The following BCAR3 variants were observed in gnomAD, a reference collection of about 807,000 sequenced individuals.
BCAR3 encodes the protein BCAR3 adaptor protein, NSP family member.
A neutral mutation model predicts 80.1 loss-of-function variants in BCAR3; 37 were observed. The ratio of observed to expected loss-of-function variants is 0.46; its 90% confidence interval spans 0.36 to 0.61. BCAR3 has a LOEUF of 0.61. Ranked by LOEUF, BCAR3 falls within the 20% of genes least tolerant of loss-of-function variation. The probability of loss-of-function intolerance (pLI) is 0.00; values close to 1 mark genes in which losing one functional copy is unlikely to be tolerated. For missense variants in BCAR3, 978 were observed against 1,068.2 expected, an observed-to-expected ratio of 0.92 and a Z score of 1.18; for synonymous variants, 389 against 418.9, an observed-to-expected ratio of 0.93 and a Z score of 0.87.
chr1:93,622,178 C>G (rs571460388), intron 3 of BCAR3, among the ~76,000 whole-genome samples: 2 of 152,184 alleles, frequency 1.3e-5, no homozygotes, highest in East Asian at 3.9e-4. Flanking sequence ...GGATTACAGG[C>G]GTGAGCCACC....
chr1:93,785,337 CAG>C (rs1412600702), intron 2 of BCAR3, among the ~76,000 whole-genome samples: 1 of 152,100 alleles, frequency 6.6e-6, no homozygotes, highest in African/African-American at 2.4e-5. Flanking sequence ...TAAGTGGTAA[CAG>C]GGAGTGGTGG....
At chr1:93,769,518 C>A (rs186426080) in intron 2 of BCAR3, among the ~76,000 whole-genome samples, 1 of 151,390 alleles carries the variant, frequency 6.6e-6, no homozygotes, top group African/African-American at 2.4e-5. Context: ...GAACAATAGG[C>A]AAAGGACTCA....
At chr1:93,790,651 A>ATGTTT (rs10627954) in intron 2 of BCAR3, among the ~76,000 whole-genome samples, 1 of 83,546 alleles carries the variant, frequency 1.2e-5, no homozygotes, top group Admixed American at 1.3e-4. Flanking sequence ...TTTTTTCTTA[A>ATGTTT]TTTTTTTTTT....
At chr1:93,595,181 G>A (rs1026705361) in intron 3 of BCAR3, among the ~76,000 whole-genome samples, 1 of 152,192 alleles carries the variant, frequency 6.6e-6, no homozygotes, top group Non-Finnish European at 1.5e-5. Context: ...AAGATATTAA[G>A]ATTGACGCTC....
intron 2 of BCAR3, among the ~76,000 whole-genome samples, chr1:93,835,988 C>T (rs1183459997): frequency 1.3e-5 from 2 of 152,184 alleles, no homozygotes; most frequent in African/African-American, 4.8e-5. Flanking sequence ...TTCTCAGGCT[C>T]TTGGTATTCA....
chr1:93,718,115 T>C (rs1290927185), intron 2 of BCAR3, among the ~76,000 whole-genome samples: 3 of 152,188 alleles, frequency 2.0e-5, no homozygotes, highest in Non-Finnish European at 4.4e-5. Context: ...AATAAAATAA[T>C]AAATTTAAAC....
chr1:93,672,291 G>A (rs1027734052), intron 2 of BCAR3, among the ~76,000 whole-genome samples: 1 of 152,154 alleles, frequency 6.6e-6, no homozygotes, highest in Admixed American at 6.5e-5. Context: ...ACTTCCCCAA[G>A]ATAGGAAGGG....
intron 5 of BCAR3, chr1:93,585,167 C>T (rs1673893012): frequency 2.0e-6 from 2 of 985,348 alleles, no homozygotes; most frequent in African/African-American, 1.7e-5. Flanking sequence ...TGGAATGCAA[C>T]CTGCCTGTGA....
intron 2 of BCAR3, among the ~76,000 whole-genome samples, chr1:93,751,036 A>G (rs1363711997): frequency 6.6e-6 from 1 of 152,184 alleles, no homozygotes; most frequent in African/African-American, 2.4e-5. Context: ...AACAATGACC[A>G]TGGTAACCAA....
Position 93,677,417 on chromosome 1 carries a change from T to C in BCAR3, c.-11-2476A>G, listed in dbSNP as rs996852851. ...GAGTCTTGAAGGCCCTGCCAAGGTG[T>C]CTGGACTTGACTGGAAGTGCTAGGG... On this transcript the variant is annotated intron_variant, in intron 1 of 11. Transcript: ENST00000260502. Among the ~76,000 whole-genome samples, 3 of 152,064 alleles carry C rather than the reference T, an allele frequency of 2.0e-5. No individual in the cohort carries two copies. The East Asian group carries it at 5.8e-4, about 29-fold the overall frequency.
At chr1:93,838,588 A>C (rs936996686) in intron 2 of BCAR3, among the ~76,000 whole-genome samples, 7 of 152,218 alleles carry the variant, frequency 4.6e-5, no homozygotes, top group Non-Finnish European at 8.8e-5. Flanking sequence ...ACTAGTGTTG[A>C]AAAACTTGAT....
At chr1:93,708,160 A>G (rs187401793) in intron 2 of BCAR3, among the ~76,000 whole-genome samples, 2 of 152,328 alleles carry the variant, frequency 1.3e-5, no homozygotes, top group East Asian at 3.9e-4. Context: ...GCTCACTTAT[A>G]TAGAACCTGA....
At chr1:93,816,083 A>G (rs1291570757) in intron 2 of BCAR3, among the ~76,000 whole-genome samples, 1 of 152,220 alleles carries the variant, frequency 6.6e-6, no homozygotes, top group Non-Finnish European at 1.5e-5. Context: ...TGCTAGTTGG[A>G]AAACTATACT....
intron 9 of BCAR3, chr1:93,571,422 TG>T: frequency 2.3e-6 from 1 of 438,880 alleles, no homozygotes; most frequent in Non-Finnish European, 4.2e-6. Flanking sequence ...CACTTAAGCC[TG>T]GGAGGTGGAG....
intron 2 of BCAR3, among the ~76,000 whole-genome samples, chr1:93,835,874 C>G (rs939063576): frequency 3.3e-5 from 5 of 152,172 alleles, no homozygotes; most frequent in Non-Finnish European, 7.3e-5. Context: ...AGAAGGCCAC[C>G]GCGGTCATTT....
At chr1:93,797,382 G>A (rs1442192433) in intron 2 of BCAR3, among the ~76,000 whole-genome samples, 1 of 152,040 alleles carries the variant, frequency 6.6e-6, no homozygotes, top group African/African-American at 2.4e-5. Context: ...TTGTCTTAAT[G>A]TCCCAAGTCC....
At chr1:93,642,600 T>C (rs906159282) in intron 2 of BCAR3, among the ~76,000 whole-genome samples, 5 of 152,222 alleles carry the variant, frequency 3.3e-5, no homozygotes, top group African/African-American at 1.2e-4. Context: ...ATTCTAGATT[T>C]ACTTGAGCAT....
At chr1:93,601,887 G>A (rs1188865108) in intron 3 of BCAR3, among the ~76,000 whole-genome samples, 3 of 148,996 alleles carry the variant, frequency 2.0e-5, no homozygotes, top group Admixed American at 6.6e-5. Flanking sequence ...TCCAACACCC[G>A]GAATGCTATC....
At chr1:93,825,917 T>C (rs1654356216) in intron 2 of BCAR3, among the ~76,000 whole-genome samples, 1 of 152,196 alleles carries the variant, frequency 6.6e-6, no homozygotes, top group South Asian at 2.1e-4. Flanking sequence ...CTGACCACAG[T>C]TCCAGCCTAG....
Sources: allele counts gnomAD v4.1 joint callset (sites outside exome capture counted in the v4.1 genomes callset), GRCh38; gene constraint gnomAD v4.1.1; transcripts MANE v1.5; gene names NCBI Gene and HGNC (gene_info 2026-07-23, HGNC 2026-07-21).